AKT3: variants seen among roughly 807,000 people sequenced by gnomAD.
AKT3 encodes the protein AKT serine/threonine kinase 3.
AKT3 carries 15 observed loss-of-function variants against 65.3 expected under a neutral mutation model. The observed-to-expected ratio is 0.23, with a 90% CI of 0.15 to 0.35. The LOEUF (loss-of-function observed/expected upper bound fraction) is 0.35. Ranked by LOEUF, AKT3 falls within the 10% of genes least tolerant of loss-of-function variation. AKT3 has a pLI of 1.00. For synonymous variants in AKT3, 206 were observed against 183.8 expected (o/e 1.12, Z -0.98); for missense variants, 243 against 576.5 (o/e 0.42, Z 5.92).
intron 12 of AKT3, among the ~76,000 whole-genome samples, chr1:243,538,785 C>T (rs979262716): frequency 6.6e-6 from 1 of 151,062 alleles, no homozygotes; most frequent in Non-Finnish European, 1.5e-5. Context: ...TGCTTGAGCC[C>T]AGGAGTTCAA....
intron 4 of AKT3, among the ~76,000 whole-genome samples, chr1:243,657,424 G>A (rs1480229994): frequency 2.0e-5 from 3 of 152,052 alleles, no homozygotes; most frequent in Admixed American, 1.3e-4. Flanking sequence ...AGTACTTTAG[G>A]AATAAACTTA....
chr1:243,687,319 G>T (rs1294989543), intron 3 of AKT3: 5 of 152,078 alleles, frequency 3.3e-5, no homozygotes, highest in African/African-American at 1.2e-4. Context: ...GATTGGCTTG[G>T]GAATACAAAT....
rs536695963 is a variant in AKT3 at position 243,703,692 on chromosome 1, G to A, written c.47-7976C>T. On this transcript the variant is annotated intron_variant, in intron 2 of 13. Coordinates refer to ENST00000673466, the MANE Select transcript of AKT3 (RefSeq NM_005465.7). ...GGAGAATTGTTTGAACCCAGGAAGC[G>A]GGAGGTTGCAGTGAGCCGAGATTGC... Among the ~76,000 whole-genome samples the A allele has an allele frequency of 1.9e-4, 28 of 150,470 alleles. No individual in the cohort carries two copies. In the South Asian group the frequency reaches 4.8e-3, roughly 26 times the overall value.
intron 6 of AKT3, among the ~76,000 whole-genome samples, chr1:243,626,260 A>C (rs1173265056): frequency 6.6e-6 from 1 of 152,190 alleles, no homozygotes; most frequent in African/African-American, 2.4e-5. Flanking sequence ...GGGTAACACA[A>C]AACAGATAGT....
chr1:243,515,337 G>A (rs776431027), intron 12 of AKT3, among the ~76,000 whole-genome samples: 2 of 151,102 alleles, frequency 1.3e-5, no homozygotes, highest in Non-Finnish European at 2.9e-5. Flanking sequence ...CGTATGGTAG[G>A]TATACATTTG....
At chr1:243,660,281 G>A (rs1416807127) in intron 4 of AKT3, among the ~76,000 whole-genome samples, 1 of 152,098 alleles carries the variant, frequency 6.6e-6, no homozygotes, top group East Asian at 1.9e-4. Context: ...GGTGTTTGTA[G>A]TATTCTCTGA....
intron 3 of AKT3, among the ~76,000 whole-genome samples, chr1:243,670,078 T>C (rs539454311): frequency 3.3e-5 from 5 of 152,360 alleles, no homozygotes; most frequent in African/African-American, 1.2e-4. Context: ...TATAAAGTAG[T>C]ATTTCATTTA....
intron 2 of AKT3, among the ~76,000 whole-genome samples, chr1:243,806,584 C>T (rs1692740129): frequency 6.6e-6 from 1 of 152,244 alleles, no homozygotes; most frequent in African/African-American, 2.4e-5. Context: ...TGGGTAAGTA[C>T]TTTCAGACTA....
In AKT3 at chr1:243,747,896, C is replaced by T. The variant is rs1379793797; in HGVS notation, c.47-52180G>A. Among the ~76,000 whole-genome samples, 6 of 152,128 alleles carry T rather than the reference C, an allele frequency of 3.9e-5. No homozygotes were observed. In the East Asian group the frequency reaches 7.7e-4, roughly 20 times the overall value. ...GGATCGGTAAGAGTCAGTAATGAAA[C>T]GATGTCTGAAGCAAGCACTGAAATA... On this transcript the variant is annotated intron_variant, in intron 2 of 13. Transcript: ENST00000673466.
chr1:243,615,188 AAT>A (rs1380636556), intron 6 of AKT3, 27 bp from the exon 7 acceptor site: 2 of 1,556,796 alleles, frequency 1.3e-6, no homozygotes, highest in African/African-American at 1.4e-5. Flanking sequence ...GCAAACCTTC[AAT>A]ATATGTTTTG....
At chr1:243,636,626 C>G (rs1442403219) in intron 6 of AKT3, among the ~76,000 whole-genome samples, 1 of 152,044 alleles carries the variant, frequency 6.6e-6, no homozygotes, top group Non-Finnish European at 1.5e-5. Flanking sequence ...CGGCTTCTAC[C>G]TGGTAACTGT....
intron 12 of AKT3, among the ~76,000 whole-genome samples, chr1:243,528,450 G>A (rs988828110): frequency 6.6e-5 from 10 of 152,100 alleles, no homozygotes; most frequent in African/African-American, 9.7e-5. Flanking sequence ...CTGGTAGGTC[G>A]TTTTTTGATC....
intron 2 of AKT3, among the ~76,000 whole-genome samples, chr1:243,802,732 T>G (rs1692452397): frequency 6.6e-6 from 1 of 152,238 alleles, no homozygotes; most frequent in South Asian, 2.1e-4. Flanking sequence ...AGGCCCAGTG[T>G]GTCAAGTAGT....
rs748705341 is a variant in AKT3, at chr1:243,499,812, G to C, written c.*5437C>G. 1.2e-6 allele frequency: 2 copies of C among 1,605,176 alleles called. No homozygotes were observed. Among genetic ancestry groups the C allele is most frequent in the Non-Finnish European group, 1.7e-6 (2 of 1,172,802 alleles). On this transcript the variant is annotated 3_prime_UTR_variant, in exon 14 of 14. Coordinates refer to ENST00000673466, the MANE Select transcript of AKT3 (RefSeq NM_005465.7). ...CTGGATGGAACAGAGTGAAATAAATGATTTACAAAGAGATATTTACATTCA... is the reference window on the plus strand; with the variant it reads ...CTGGATGGAACAGAGTGAAATAAATCATTTACAAAGAGATATTTACATTCA...
At chr1:243,769,292 A>G (rs754270198) in intron 2 of AKT3, among the ~76,000 whole-genome samples, 1 of 152,218 alleles carries the variant, frequency 6.6e-6, no homozygotes, top group Non-Finnish European at 1.5e-5. Flanking sequence ...CAAGTTTTGT[A>G]CAACCATATG....
intron 12 of AKT3, among the ~76,000 whole-genome samples, chr1:243,529,770 C>T (rs1215859686): frequency 2.0e-5 from 3 of 151,930 alleles, no homozygotes; most frequent in Non-Finnish European, 4.4e-5. Context: ...CTTGGCTATT[C>T]GGGTTCTTTT....
chr1:243,524,986 C>A (rs145126251), intron 12 of AKT3, among the ~76,000 whole-genome samples: 5 of 152,210 alleles, frequency 3.3e-5, no homozygotes, highest in African/African-American at 1.2e-4. Flanking sequence ...AAATTAGAAA[C>A]CCACAGTTCT....
At chr1:243,547,930 T>C (rs771328621) in intron 11 of AKT3, 1 of 152,182 alleles carries the variant, frequency 6.6e-6, no homozygotes, top group Non-Finnish European at 1.5e-5. Context: ...CTGTTCGATG[T>C]TTGCATTTGG....
At chr1:243,742,869 T>A (rs1037298310) in intron 2 of AKT3, among the ~76,000 whole-genome samples, 47 of 151,710 alleles carry the variant, frequency 3.1e-4, no homozygotes, top group Non-Finnish European at 5.4e-4. Context: ...TTTTTTTTAA[T>A]GTGTAGACCA....
Sources: allele counts gnomAD v4.1 joint callset (sites outside exome capture counted in the v4.1 genomes callset), GRCh38; gene constraint gnomAD v4.1.1; transcripts MANE v1.5; gene names NCBI Gene and HGNC (gene_info 2026-07-23, HGNC 2026-07-21).